Variants in GRID2 observed in about 807,000 individuals in gnomAD.
GRID2 encodes the protein glutamate ionotropic receptor delta type subunit 2, also known as glutamate receptor ionotropic, delta-2.
In GRID2, 33 loss-of-function variants were observed where a neutral mutation model predicts 114.8. That is an observed-to-expected ratio of 0.29 (90% CI 0.22 to 0.38). The LOEUF (loss-of-function observed/expected upper bound fraction) is 0.38, where lower values mean the gene tolerates loss of function less well. GRID2 is among the 10% of genes least tolerant of loss of function. The pLI is 1.00. For missense variants in GRID2, 1,184 were observed against 1,257.7 expected (o/e 0.94, Z 0.89); for synonymous variants, 505 against 449.9 (o/e 1.12, Z -1.55).
At chr4:93,244,760 C>G (rs1420239639) in intron 8 of GRID2, among the ~76,000 whole-genome samples, 2 of 151,270 alleles carry the variant, frequency 1.3e-5, no homozygotes, top group South Asian at 2.1e-4. Context: ...GAGAACAGCT[C>G]TGCTTTCAAA....
intron 14 of GRID2, among the ~76,000 whole-genome samples, chr4:93,707,905 T>A (rs1224981186): frequency 6.6e-6 from 1 of 151,966 alleles, no homozygotes; most frequent in Non-Finnish European, 1.5e-5. Context: ...TTCATTTGTT[T>A]CAAGACATTT....
chr4:92,505,050 G>A (rs192457995), intron 1 of GRID2, among the ~76,000 whole-genome samples: 18 of 152,078 alleles, frequency 1.2e-4, no homozygotes, highest in Non-Finnish European at 2.6e-4. Context: ...TTAAGATGGT[G>A]CGAAGATGGC....
At chr4:93,556,436 A>T (rs1000334955) in intron 13 of GRID2, among the ~76,000 whole-genome samples, 1 of 152,222 alleles carries the variant, frequency 6.6e-6, no homozygotes, top group Non-Finnish European at 1.5e-5. Context: ...GCTGCAAAAC[A>T]CATCATGAAA....
intron 13 of GRID2, among the ~76,000 whole-genome samples, chr4:93,517,095 G>T (rs1308160680): frequency 4.6e-5 from 7 of 152,040 alleles, no homozygotes; most frequent in Middle Eastern, 3.4e-3. Flanking sequence ...GCATCATGAA[G>T]ATAAGAATTC....
intron 14 of GRID2, among the ~76,000 whole-genome samples, chr4:93,632,158 T>C (rs1039891694): frequency 3.3e-5 from 5 of 152,154 alleles, no homozygotes; most frequent in Admixed American, 6.6e-5. Flanking sequence ...TTCTCCCATT[T>C]TGTAGGTTGC....
chr4:92,950,744 A>G (rs777438637), intron 2 of GRID2, among the ~76,000 whole-genome samples: 5 of 152,214 alleles, frequency 3.3e-5, no homozygotes, highest in Non-Finnish European at 7.3e-5. Flanking sequence ...AACCTATAAG[A>G]AAAGTACTTG....
chr4:93,308,358 A>T (rs12650174), intron 8 of GRID2, among the ~76,000 whole-genome samples: 44 of 151,964 alleles, frequency 2.9e-4, no homozygotes, highest in Non-Finnish European at 5.6e-4. Flanking sequence ...AATCAATTCT[A>T]TTCCTGTTTC....
At chr4:92,817,483 G>A (rs946597393) in intron 2 of GRID2, among the ~76,000 whole-genome samples, 4 of 151,964 alleles carry the variant, frequency 2.6e-5, no homozygotes, top group Middle Eastern at 3.2e-3. Flanking sequence ...TAACCTACCT[G>A]TCTAGCCATA....
At chr4:92,916,472 T>A (rs1176481901) in intron 2 of GRID2, among the ~76,000 whole-genome samples, 1 of 152,116 alleles carries the variant, frequency 6.6e-6, no homozygotes, top group Non-Finnish European at 1.5e-5. Context: ...AACTCGTCAT[T>A]TAACATTAGG....
intron 13 of GRID2, among the ~76,000 whole-genome samples, chr4:93,587,570 C>T (rs1053499278): frequency 6.6e-6 from 1 of 151,984 alleles, no homozygotes; most frequent in African/African-American, 2.4e-5. Flanking sequence ...CCAAAGGCTC[C>T]TTGAAATCTA....
At chr4:92,801,479 G>T (rs547046230) in intron 2 of GRID2, among the ~76,000 whole-genome samples, 1 of 151,864 alleles carries the variant, frequency 6.6e-6, no homozygotes, top group Admixed American at 6.6e-5. Context: ...ACTGCAGAGT[G>T]TACCTTTTCT....
Position 92,363,212 on chromosome 4 carries a change from T to C in GRID2, c.88+58468T>C, listed in dbSNP as rs528639735. 3.9e-5 allele frequency among the ~76,000 whole-genome samples: 6 copies of C among 152,168 alleles called. No homozygotes were observed. The South Asian group carries it at 1.2e-3, about 32-fold the overall frequency. On this transcript the variant is annotated intron_variant, in intron 1 of 15. Transcript: ENST00000282020. ...ACCAGATGTACCAAATCAGAAGCTA[T>C]ATTTTAACAAGTCCCCCCATGTGAA...
chr4:92,837,477 TAAA>T (rs76387998), intron 2 of GRID2, among the ~76,000 whole-genome samples: 13 of 127,956 alleles, frequency 1.0e-4, no homozygotes, highest in Admixed American at 1.6e-4. Context: ...CCCTTCAGGT[TAAA>T]AAAAAAAAAA....
intron 10 of GRID2, 88 bp downstream of exon 10, chr4:93,423,056 T>C: frequency 1.2e-6 from 1 of 848,430 alleles, no homozygotes; most frequent in Non-Finnish European, 1.9e-6. Flanking sequence ...ACCTTGAAGC[T>C]GATTTCATAT....
At position 93,442,610 on chromosome 4, in the gene GRID2, C is replaced by T. The variant is rs922882865; in HGVS notation, c.1546-13052C>T. On this transcript the variant is annotated intron_variant, in intron 10 of 15. Coordinates refer to ENST00000282020, the MANE Select transcript of GRID2 (RefSeq NM_001510.4). ...CTCTATAGAGAAGAGAGAGACAGAACGACAGAGACAGAGACAGAGAGAGAG... is the reference window on the plus strand; with the variant it reads ...CTCTATAGAGAAGAGAGAGACAGAATGACAGAGACAGAGACAGAGAGAGAG... Among the ~76,000 whole-genome samples the T allele has an allele frequency of 3.3e-5, 5 of 151,880 alleles. No individual in the cohort carries two copies. The East Asian group carries it at 9.7e-4, about 30-fold the overall frequency.
chr4:93,021,824 T>C (rs1471604907), intron 2 of GRID2, among the ~76,000 whole-genome samples: 2 of 146,780 alleles, frequency 1.4e-5, no homozygotes, highest in East Asian at 1.9e-4. Flanking sequence ...AATATACTTA[T>C]ATAATAAATA....
At chr4:93,689,021 G>T (rs943697974) in intron 14 of GRID2, among the ~76,000 whole-genome samples, 1 of 151,934 alleles carries the variant, frequency 6.6e-6, no homozygotes, top group Non-Finnish European at 1.5e-5. Context: ...GAGGTCCATA[G>T]GATGACCCTT....
chr4:93,534,677 G>A (rs1178140144), intron 13 of GRID2, among the ~76,000 whole-genome samples: 1 of 151,996 alleles, frequency 6.6e-6, no homozygotes. Context: ...AAAAGCAAAT[G>A]CCTCTATGAT....
At chr4:93,370,228 A>T (rs1762733368) in intron 8 of GRID2, among the ~76,000 whole-genome samples, 1 of 152,040 alleles carries the variant, frequency 6.6e-6, no homozygotes, top group Non-Finnish European at 1.5e-5. Context: ...TCTACTTAAA[A>T]ATCTGTCTAG....
Sources: allele counts gnomAD v4.1 joint callset (sites outside exome capture counted in the v4.1 genomes callset), GRCh38; gene constraint gnomAD v4.1.1; transcripts MANE v1.5; gene names NCBI Gene and HGNC (gene_info 2026-07-23, HGNC 2026-07-21).